Variants in PCDHGB7 observed in about 807,000 individuals in gnomAD.
The protein encoded by PCDHGB7 is protocadherin gamma subfamily B, 7, also known as protocadherin gamma-B7.
Under a neutral mutation model 61.4 loss-of-function variants are expected in PCDHGB7, and 37 were observed. The ratio of observed to expected loss-of-function variants is 0.60; its 90% CI spans 0.46 to 0.79. PCDHGB7 has a LOEUF of 0.79. PCDHGB7 is among the 30% of genes least tolerant of loss of function. The pLI is 0.00. For synonymous variants in PCDHGB7, 464 were observed against 503.5 expected (o/e 0.92, Z 1.05); for missense variants, 1,166 against 1,202.5 (o/e 0.97, Z 0.45).
Position 141,511,908 on chromosome 5 carries a change from A to T in PCDHGB7, c.*735A>T, listed in dbSNP as rs528200582. The T allele has an allele frequency of 4.5e-5, 7 of 156,536 alleles. No homozygotes were observed. The highest frequency in any genetic ancestry group is 1.9e-4 in the East Asian group (1 of 5,250). The allele number at this position is 156,536 out of a possible 1,614,324, so 9.7% of individuals were successfully genotyped here. A position where few individuals can be genotyped will look rare whatever the true frequency, so the allele number is the denominator to read the frequency against. On this transcript the variant is annotated 3_prime_UTR_variant, in exon 4 of 4. Transcript: ENST00000398594. ...GACTTCCCCCACCTCCTCCTCAAAC[A>T]AGAGACTCCACTGCATGTTCCAAGA...
intron 1 of PCDHGB7, chr5:141,421,067 T>G: frequency 1.4e-5 from 8 of 591,772 alleles, no homozygotes; most frequent in Non-Finnish European, 2.3e-5. Flanking sequence ...CAAAGCGGAA[T>G]GAGATGGATA....
chr5:141,460,822 C>A (rs2098998601), intron 1 of PCDHGB7, among the ~76,000 whole-genome samples: 2 of 151,502 alleles, frequency 1.3e-5, no homozygotes, highest in South Asian at 4.1e-4. Context: ...TACATATATA[C>A]ACACTTAAAG....
In PCDHGB7 at chr5:141,476,065, G is replaced by T; in HGVS notation, c.2416-18742G>T. ...GCTAACCCGCTGAAAGTTTCTCAGC[G>T]AAATCTCAGGGACGATCTGGACCCC... is the stretch of plus-strand genomic sequence containing the variant. On this transcript the variant is annotated intron_variant, in intron 1 of 3. Coordinates refer to ENST00000398594, the MANE Select transcript of PCDHGB7 (RefSeq NM_018927.4). This position sits in a 1 kb window ranked among gnomAD's most constrained non-coding sequence, Gnocchi z 7.6. 6.6e-7 allele frequency: 1 copy of T among 1,511,444 alleles called. No homozygotes were observed. The highest frequency in any genetic ancestry group is 1.3e-5 in the South Asian group (1 of 76,164). The allele number at this position is 1,511,444 out of a possible 1,614,324, so 93.6% of individuals were successfully genotyped here.
Position 141,428,104 on chromosome 5 carries a change from T to C in PCDHGB7, c.2415+7830T>C, listed in dbSNP as rs751953406. ...AACGCTTGGCTGTCCTACCACGTGCTGCAGGCCATCGAGCCCGGGCTTTTC... is the reference window on the plus strand; with the variant it reads ...AACGCTTGGCTGTCCTACCACGTGCCGCAGGCCATCGAGCCCGGGCTTTTC... On this transcript the variant is annotated intron_variant, in intron 1 of 3. Coordinates refer to ENST00000398594, the MANE Select transcript of PCDHGB7 (RefSeq NM_018927.4). The C allele has an allele frequency of 1.9e-6, 3 of 1,608,398 alleles. No individual in the cohort carries two copies. The South Asian group carries it at 3.3e-5, about 18-fold the overall frequency.
At chr5:141,459,237 C>T (rs1004453705) in intron 1 of PCDHGB7, among the ~76,000 whole-genome samples, 1 of 152,214 alleles carries the variant, frequency 6.6e-6, no homozygotes, top group Admixed American at 6.5e-5. Flanking sequence ...AACTGGTCTG[C>T]TTCCTGTCAC....
rs375404779 is a variant in PCDHGB7 at position 141,419,760 on chromosome 5, A to T, written c.1901A>T (p.Asp634Val). 11 of 1,613,876 alleles carry T rather than the reference A, an allele frequency of 6.8e-6. No homozygotes were observed. The highest frequency in any genetic ancestry group is 9.3e-6 in the Non-Finnish European group (11 of 1,179,904). The change falls in exon 1 of 4, where the codon GAC becomes GTC. Residue 634 changes from aspartate (D) to valine (V), a missense_variant. Asp to Val is a radical substitution (Grantham distance 152). Coordinates refer to ENST00000398594, the MANE Select transcript of PCDHGB7 (RefSeq NM_018927.4). ...GTGCGCATGGTGCGTGCTTTGGGTG[A>T]CAAGGACTCGGTCCGCCAGCGCCTG... ...GEVRMVRALG[D>V]KDSVRQRLLV...
chr5:141,432,681 G>A lies in PCDHGB7; in HGVS notation c.2415+12407G>A, dbSNP rs147073234. 2.4e-3 allele frequency: 3,845 copies of A among 1,613,930 alleles called. 12 individuals carry two copies. Among genetic ancestry groups the A allele is most frequent in the Admixed American group, 6.0e-3 (358 of 60,016 alleles). On this transcript the variant is annotated intron_variant, in intron 1 of 3. Coordinates refer to ENST00000398594, the MANE Select transcript of PCDHGB7 (RefSeq NM_018927.4). This position sits in a 1 kb window ranked among gnomAD's most constrained non-coding sequence, Gnocchi z 6.0. Reference sequence around the variant, plus strand: ...CTGGACAGAGACGCGCTCAAGCAGAGCCTCGTAGTGGCCGTCCAGGACCAC... The same window carrying A: ...CTGGACAGAGACGCGCTCAAGCAGAACCTCGTAGTGGCCGTCCAGGACCAC...
intron 1 of PCDHGB7, chr5:141,426,750 G>A (rs1287163824): frequency 2.2e-6 from 1 of 456,160 alleles, no homozygotes; most frequent in Non-Finnish European, 4.4e-6. Context: ...CCTGGAATCT[G>A]CTATAGATGC....
In PCDHGB7 at chr5:141,476,853, A is replaced by G; in HGVS notation, c.2416-17954A>G. ...AATGACAATGCGCCTGTCTTCAACCAGTCCTTGTACCGGGCGCGCGTCCTG... is the reference window on the plus strand; with the variant it reads ...AATGACAATGCGCCTGTCTTCAACCGGTCCTTGTACCGGGCGCGCGTCCTG... On this transcript the variant is annotated intron_variant, in intron 1 of 3. Coordinates refer to ENST00000398594, the MANE Select transcript of PCDHGB7 (RefSeq NM_018927.4). This position sits in a 1 kb window ranked among gnomAD's most constrained non-coding sequence, Gnocchi z 7.6. The G allele has an allele frequency of 6.2e-7, 1 of 1,613,870 alleles. No individual in the cohort carries two copies. Among genetic ancestry groups the G allele is most frequent in the Non-Finnish European group, 8.5e-7 (1 of 1,180,042 alleles).
chr5:141,460,983 G>A (rs12516231), intron 1 of PCDHGB7, among the ~76,000 whole-genome samples: 37,603 of 137,412 alleles, frequency 0.27, 5,103 homozygotes, highest in Admixed American at 0.34. Flanking sequence ...GTGTGTGTGT[G>A]TATATATATA....
In PCDHGB7 at chr5:141,419,159, T is replaced by G; in HGVS notation, c.1300T>G (p.Ser434Ala). ...AGACAGGGGCAAGCCTCCGTTATCCTCCAGCAAAACCATAACCCTGCACAT... is the reference window on the plus strand; with the variant it reads ...AGACAGGGGCAAGCCTCCGTTATCCGCCAGCAAAACCATAACCCTGCACAT... Reference protein sequence around the residue: ...ATDRGKPPLSSSKTITLHITD... With the variant: ...ATDRGKPPLSASKTITLHITD... Residue 434 changes from serine to alanine, a missense_variant, in exon 1 of 4, where the codon TCC (serine) becomes GCC (alanine). By Grantham distance (99) the Ser-to-Ala change is moderately conservative (BLOSUM62 1). Coordinates refer to ENST00000398594, the MANE Select transcript of PCDHGB7 (RefSeq NM_018927.4). The G allele has an allele frequency of 6.2e-7, 1 of 1,613,916 alleles. No individual in the cohort carries two copies. The highest frequency in any genetic ancestry group is 8.5e-7 in the Non-Finnish European group (1 of 1,179,884).
intron 1 of PCDHGB7, among the ~76,000 whole-genome samples, chr5:141,460,976 T>C (rs1444476508): frequency 7.6e-6 from 1 of 131,636 alleles, no homozygotes; most frequent in Non-Finnish European, 1.6e-5. Flanking sequence ...TGTGTGTGTG[T>C]GTGTGTGTAT....
chr5:141,500,234 A>T (rs2099798212), intron 2 of PCDHGB7, among the ~76,000 whole-genome samples: 1 of 148,996 alleles, frequency 6.7e-6, no homozygotes, highest in Non-Finnish European at 1.5e-5. Context: ...ATTGATACGT[A>T]GCCTTGCTCT....
chr5:141,454,796 ATTTTTTTTTT>A (rs61612330), intron 1 of PCDHGB7, among the ~76,000 whole-genome samples: 11 of 77,458 alleles, frequency 1.4e-4, no homozygotes, highest in East Asian at 8.0e-4. Flanking sequence ...CATGGTTCTA[ATTTTTTTTTT>A]TTTTTTTTTT....
rs1001412632 is a variant in PCDHGB7, at chr5:141,493,097, A to G, written c.2416-1710A>G. On this transcript the variant is annotated intron_variant, in intron 1 of 3. Transcript: ENST00000398594. The surrounding 1 kb of genome is among the most constrained non-coding windows in gnomAD (Gnocchi z 4.3). ...AACTCCAGGAGCTTTTATTCAAAAT[A>G]TATCAATGCCTAACTCTGCTCCTAG... Among the ~76,000 whole-genome samples, 1 of 152,224 alleles carries G rather than the reference A, an allele frequency of 6.6e-6. No homozygotes were observed. The highest frequency in any genetic ancestry group is 2.4e-5 in the African/African-American group (1 of 41,456).
Position 141,485,448 on chromosome 5 carries a change from G to A in PCDHGB7, c.2416-9359G>A. On this transcript the variant is annotated intron_variant, in intron 1 of 3. Coordinates refer to ENST00000398594, the MANE Select transcript of PCDHGB7 (RefSeq NM_018927.4). This position sits in a 1 kb window ranked among gnomAD's most constrained non-coding sequence, Gnocchi z 5.7. ...CTGCTCATCAAGAACCCAATCGACC[G>A]AGAGGCACTGTGTGGGCTCAGTGCC... is the stretch of plus-strand genomic sequence containing the variant. 1 of 1,614,154 alleles carries A rather than the reference G, an allele frequency of 6.2e-7. No homozygotes were observed.
At chr5:141,509,153 C>G (rs2099875485) in intron 3 of PCDHGB7, among the ~76,000 whole-genome samples, 2 of 152,190 alleles carry the variant, frequency 1.3e-5, no homozygotes, top group Non-Finnish European at 2.9e-5. Context: ...CGGCTCTCCC[C>G]TCCCGTGTGC....
chr5:141,438,368 G>A (rs1216571092), intron 1 of PCDHGB7, among the ~76,000 whole-genome samples: 2 of 151,558 alleles, frequency 1.3e-5, no homozygotes, highest in African/African-American at 4.8e-5. Context: ...GTCATTGAGG[G>A]CAGATATAAT....
At position 141,489,559 on chromosome 5, in the gene PCDHGB7, C is replaced by A; in HGVS notation, c.2416-5248C>A. ...CAGCACCAGCTGCCTGCTGCCAGTG[C>A]AGGTGGTGACTGAACACCCCCTGGA... On this transcript the variant is annotated intron_variant, in intron 1 of 3. Coordinates refer to ENST00000398594, the MANE Select transcript of PCDHGB7 (RefSeq NM_018927.4). This position sits in a 1 kb window ranked among gnomAD's most constrained non-coding sequence, Gnocchi z 4.5. The A allele has an allele frequency of 6.2e-7, 1 of 1,614,078 alleles. No homozygotes were observed. The highest frequency in any genetic ancestry group is 8.5e-7 in the Non-Finnish European group (1 of 1,180,014).
Sources: gnomAD v4.1 joint callset for allele counts (sites outside exome capture counted in the v4.1 genomes callset) on GRCh38, gnomAD v4.1.1 for gene constraint, Gnocchi (gnomAD v3.1) non-coding constraint, MANE v1.5 for transcripts, NCBI Gene and HGNC (gene_info 2026-07-23, HGNC 2026-07-21) for gene names.